Variants in BCAS2 observed in about 807,000 individuals in gnomAD.
The protein encoded by BCAS2 is BCAS2 pre-mRNA processing factor, also known as pre-mRNA-splicing factor SPF27.
BCAS2 carries 34 observed loss-of-function variants against 35.3 expected under a neutral mutation model. The observed-to-expected ratio is 0.96, with a 90% CI of 0.73 to 1.28. BCAS2 has a LOEUF of 1.28. BCAS2 is among the 50% of genes most tolerant of loss of function. The pLI is 0.00. For missense variants in BCAS2, 221 were observed against 268.1 expected, an observed-to-expected ratio of 0.82 and a Z score of 1.23; for synonymous variants, 75 against 91.6, an observed-to-expected ratio of 0.82 and a Z score of 1.03.
chr1:114,574,095 G>C (rs1414201091), intron 4 of BCAS2, among the ~76,000 whole-genome samples: 1 of 152,154 alleles, frequency 6.6e-6, no homozygotes, highest in East Asian at 1.9e-4. Flanking sequence ...CTGAATTCTA[G>C]ATAGACAATA....
intron 4 of BCAS2, among the ~76,000 whole-genome samples, chr1:114,571,515 C>T (rs1176358469): frequency 6.6e-6 from 1 of 152,004 alleles, no homozygotes; most frequent in Non-Finnish European, 1.5e-5. Flanking sequence ...AGCCACCATG[C>T]CCGGCTAATT....
In BCAS2 at chr1:114,572,041, A is replaced by G. The variant is rs533911673; in HGVS notation, c.420-1291T>C. On this transcript the variant is annotated intron_variant, in intron 4 of 6. Coordinates refer to ENST00000369541, the MANE Select transcript of BCAS2 (RefSeq NM_005872.3). ...CTTTATTAAGATATAATTCCACATC[A>G]TATCAATTTCCTCTTAAGGCAGTGG... 2.6e-5 allele frequency among the ~76,000 whole-genome samples: 4 copies of G among 152,330 alleles called. No individual in the cohort carries two copies. The South Asian group carries it at 8.3e-4, about 32-fold the overall frequency.
Position 114,579,848 on chromosome 1 carries a change from G to A in BCAS2, c.186+1451C>T, listed in dbSNP as rs371223768. On this transcript the variant is annotated intron_variant, in intron 2 of 6. Transcript: ENST00000369541. ...ACCACTGCACTCCAGCCTGGGTGAC[G>A]TAATGAGACTCCGTCTCAAACAAAA... is the stretch of plus-strand genomic sequence containing the variant. 1.4e-4 allele frequency among the ~76,000 whole-genome samples: 21 copies of A among 152,210 alleles called. No individual in the cohort carries two copies. In the East Asian group the frequency reaches 3.5e-3, roughly 25 times the overall value.
chr1:114,569,228 T>A (rs1251726661), intron 6 of BCAS2, among the ~76,000 whole-genome samples: 5 of 151,592 alleles, frequency 3.3e-5, no homozygotes, highest in African/African-American at 9.7e-5. Flanking sequence ...AGGCAATAGT[T>A]TATTAAATTG....
In BCAS2 at chr1:114,581,409, G is replaced by A. The variant is rs1557933616; in HGVS notation, c.94-18C>T. On this transcript the variant is annotated intron_variant, in intron 1 of 6. Coordinates refer to ENST00000369541, the MANE Select transcript of BCAS2 (RefSeq NM_005872.3). ...GCTGCAGCCTAAGAAAGAGAATAGG[G>A]ACCAGGGTAGAAGTGGCAAATTGTA... 4.3e-6 allele frequency: 7 copies of A among 1,614,050 alleles called. No homozygotes were observed. The highest frequency in any genetic ancestry group is 2.2e-5 in the East Asian group (1 of 44,876).
Position 114,568,143 on chromosome 1 carries a change from C to T in BCAS2, c.665G>A (p.Arg222Gln), listed in dbSNP as rs757678095. 3.7e-5 allele frequency: 59 copies of T among 1,612,398 alleles called. No homozygotes were observed. Among genetic ancestry groups the T allele is most frequent in the South Asian group, 2.4e-4 (22 of 90,988 alleles). The change falls in exon 7 of 7, where the codon CGG (arginine) becomes CAG (glutamine). Residue 222 changes from arginine (R) to glutamine (Q), a missense_variant. Physicochemically the swap from Arg to Gln is conservative, Grantham distance 43. Transcript: ENST00000369541. ...TAAATTGTCTTTTCAGAAGTCTTGC[C>T]GGATGTTTTCTTTGTTTGCCTCTCC... ...QHGEANKENIRQDF is the reference protein window; with the variant it reads ...QHGEANKENIQQDF
chr1:114,569,887 T>C, intron 6 of BCAS2, 105 bp downstream of exon 6: 1 of 843,052 alleles, frequency 1.2e-6, no homozygotes, highest in Non-Finnish European at 1.9e-6. Flanking sequence ...TAGCATTTCT[T>C]TGTTACCTGT....
At chr1:114,577,433 C>T (rs1020019771) in intron 2 of BCAS2, among the ~76,000 whole-genome samples, 11 of 152,020 alleles carry the variant, frequency 7.2e-5, no homozygotes, top group Non-Finnish European at 1.6e-4. Flanking sequence ...AGCGCAATGG[C>T]GCGATCTTGG....
At chr1:114,569,739 CAG>C (rs1343178089) in intron 6 of BCAS2, among the ~76,000 whole-genome samples, 2 of 150,496 alleles carry the variant, frequency 1.3e-5, no homozygotes, top group Non-Finnish European at 3.0e-5. Context: ...AGACTAAAAA[CAG>C]GGTATTCTAA....
At chr1:114,581,065 C>A (rs1272506133) in intron 2 of BCAS2, among the ~76,000 whole-genome samples, 2 of 152,070 alleles carry the variant, frequency 1.3e-5, no homozygotes, top group African/African-American at 4.8e-5. Flanking sequence ...AGAATGGTAG[C>A]CACAAATTTT....
intron 4 of BCAS2, among the ~76,000 whole-genome samples, chr1:114,570,966 C>A (rs1570735764): frequency 6.6e-6 from 1 of 152,190 alleles, no homozygotes; most frequent in Non-Finnish European, 1.5e-5. Flanking sequence ...AAGTAATCTT[C>A]CTGCCTCAGC....
chr1:114,573,809 T>C (rs942168199), intron 4 of BCAS2, among the ~76,000 whole-genome samples: 1 of 152,244 alleles, frequency 6.6e-6, no homozygotes, highest in Non-Finnish European at 1.5e-5. Flanking sequence ...TTGTAGAGTT[T>C]CCCAAATTCT....
chr1:114,576,570 G>A lies in BCAS2; in HGVS notation c.257+118C>T. 2 of 778,048 alleles carry A rather than the reference G, an allele frequency of 2.6e-6. 1 individual carries two copies. The highest frequency in any genetic ancestry group is 6.1e-5 in the East Asian group (2 of 32,988). 48.2% of individuals were successfully genotyped at this position (778,048 alleles called of 1,614,324 possible). Reference sequence around the variant, plus strand: ...CCCAAAGTGCTGGAATTACAGGTGTGAGCCACCACACCCGGCCAACACTGC... The same window carrying A: ...CCCAAAGTGCTGGAATTACAGGTGTAAGCCACCACACCCGGCCAACACTGC... On this transcript the variant is annotated intron_variant, in intron 3 of 6. Coordinates refer to ENST00000369541, the MANE Select transcript of BCAS2 (RefSeq NM_005872.3).
At chr1:114,573,866 G>C (rs1570737820) in intron 4 of BCAS2, among the ~76,000 whole-genome samples, 2 of 152,190 alleles carry the variant, frequency 1.3e-5, no homozygotes, top group Non-Finnish European at 2.9e-5. Context: ...AATATTAAAT[G>C]CATAATTCTG....
In BCAS2 at chr1:114,575,592, AT is replaced by A. The variant is rs1654744088; in HGVS notation, c.416del (p.Asn139MetfsTer4). The A allele has an allele frequency of 3.8e-6, 6 of 1,592,892 alleles. No individual in the cohort carries two copies. Among genetic ancestry groups the A allele is most frequent in the Non-Finnish European group, 5.1e-6 (6 of 1,175,038 alleles). ...AAGATGAAGAAAAAGGTTCTTACTC[AT>A]TGTATACTTTCCAGGCATTACATCC... ...QHGCNAWKVY[N>X]ENLVHMIEHA... On this transcript the variant is annotated frameshift_variant, in exon 4 of 7. Coordinates refer to ENST00000369541, the MANE Select transcript of BCAS2 (RefSeq NM_005872.3). LOFTEE classifies it high-confidence loss of function.
chr1:114,571,461 T>G lies in BCAS2; in HGVS notation c.420-711A>C, dbSNP rs571762671. ...GCCTCAACCTCCTGGGCTCAACTGA[T>G]CCTCCCACTTCAGGCCTTCAAAGTA... On this transcript the variant is annotated intron_variant, in intron 4 of 6. Coordinates refer to ENST00000369541, the MANE Select transcript of BCAS2 (RefSeq NM_005872.3). 3.0e-4 allele frequency among the ~76,000 whole-genome samples: 45 copies of G among 152,192 alleles called. 1 individual carries two copies. The highest frequency in any genetic ancestry group is 6.8e-3 in the Middle Eastern group (2 of 294).
Position 114,581,580 on chromosome 1 carries a change from T to C in BCAS2, c.12A>G (p.Thr4=), listed in dbSNP as rs751280914. MAG[T]GLVAGEVVVD... is the part of the protein sequence containing the mutation. ...CCACAACCTCTCCAGCCACCAAACC[T>C]GTGCCCGCCATTCTGAGGACCTCAG... Residue 4 remains threonine (T), a synonymous_variant, in exon 1 of 7, where the codon ACA becomes ACG. Coordinates refer to ENST00000369541, the MANE Select transcript of BCAS2 (RefSeq NM_005872.3). 83 of 1,603,318 alleles carry C rather than the reference T, an allele frequency of 5.2e-5. No individual in the cohort carries two copies. Among genetic ancestry groups the C allele is most frequent in the East Asian group, 9.1e-5 (4 of 44,178 alleles).
chr1:114,570,593 T>G, intron 5 of BCAS2, 107 bp downstream of exon 5: 1 of 788,112 alleles, frequency 1.3e-6, no homozygotes, highest in South Asian at 1.7e-5. Flanking sequence ...GTGGATCAAT[T>G]GTTTACTTTC....
At chr1:114,569,272 G>GT (rs1654592976) in intron 6 of BCAS2, among the ~76,000 whole-genome samples, 1 of 151,936 alleles carries the variant, frequency 6.6e-6, no homozygotes, top group African/African-American at 2.4e-5. Context: ...AACGAGACTG[G>GT]TAAGACGTAC....
Sources: gnomAD v4.1 joint callset for allele counts (sites outside exome capture counted in the v4.1 genomes callset) on GRCh38, gnomAD v4.1.1 for gene constraint, MANE v1.5 for transcripts, NCBI Gene and HGNC (gene_info 2026-07-23, HGNC 2026-07-21) for gene names.